TSPAN14: variants seen among roughly 807,000 people sequenced by gnomAD.
TSPAN14 encodes tetraspanin 14.
In TSPAN14, 16 loss-of-function variants were observed where a neutral mutation model predicts 36.6. That is an observed-to-expected ratio of 0.44 (90% CI 0.30 to 0.66). The LOEUF is 0.66. Among genes scored for constraint, TSPAN14 ranks in the 30% least tolerant of loss-of-function variants. The pLI, the probability that TSPAN14 is intolerant of heterozygous loss-of-function variation, is 0.12. For synonymous variants in TSPAN14, 139 were observed against 143.8 expected (o/e 0.97, Z 0.24); for missense variants, 231 against 355.1 (o/e 0.65, Z 2.81).
chr10:80,522,152 C>T (rs1190942581), exon 9 of TSPAN14: 1 of 152,192 alleles, frequency 6.6e-6, no homozygotes, highest in Non-Finnish European at 1.5e-5. Flanking sequence ...TCTTTCTTCA[C>T]TTAGTTTTCT....
At chr10:80,519,019 A>G (rs1262693572) in exon 9 of TSPAN14, 1 of 152,734 alleles carries the variant, frequency 6.5e-6, no homozygotes, top group Non-Finnish European at 1.5e-5. Flanking sequence ...GTGCTACTGA[A>G]ATTGTCACCC....
chr10:80,492,644 G>T (rs571030057), intron 2 of TSPAN14, among the ~76,000 whole-genome samples: 3 of 152,042 alleles, frequency 2.0e-5, no homozygotes, highest in Non-Finnish European at 4.4e-5. Flanking sequence ...GTGAAACTCC[G>T]TCTCTACTAA....
At chr10:80,482,082 G>A (rs117537719) in intron 1 of TSPAN14, among the ~76,000 whole-genome samples, 4,415 of 152,200 alleles carry the variant, frequency 0.029, 110 homozygotes, top group South Asian at 0.14. Flanking sequence ...GAGATATTTG[G>A]GTGTAAACAT....
At chr10:80,460,512 A>C (rs1845916160) in intron 1 of TSPAN14, among the ~76,000 whole-genome samples, 1 of 152,330 alleles carries the variant, frequency 6.6e-6, no homozygotes, top group Non-Finnish European at 1.5e-5. Flanking sequence ...CGTGGTTGGC[A>C]GTGTCCTGTC....
In TSPAN14 at chr10:80,516,983, A is replaced by G. The variant is rs959886333; in HGVS notation, c.741+660A>G. On this transcript the variant is annotated intron_variant, in intron 8 of 8. Transcript: ENST00000429989. ...GGGCTGGTTGGTGACTGCTAGGAGA[A>G]GAACTGGCAGAGAAAGTCAAGAATT... is the stretch of plus-strand genomic sequence containing the variant. Among the ~76,000 whole-genome samples the G allele has an allele frequency of 3.3e-5, 5 of 152,242 alleles. No homozygotes were observed. In the East Asian group the frequency reaches 9.6e-4, roughly 29 times the overall value.
At chr10:80,495,986 T>C (rs756043278) in intron 2 of TSPAN14, among the ~76,000 whole-genome samples, 5 of 152,170 alleles carry the variant, frequency 3.3e-5, no homozygotes, top group African/African-American at 4.8e-5. Flanking sequence ...TAAATTAAAC[T>C]CTTTGGTATC....
intron 1 of TSPAN14, among the ~76,000 whole-genome samples, chr10:80,476,636 C>T (rs139461722): frequency 6.6e-6 from 1 of 151,776 alleles, no homozygotes; most frequent in Non-Finnish European, 1.5e-5. Flanking sequence ...AAGATGGTCT[C>T]GATATCCTGA....
chr10:80,465,239 A>C (rs74859587), intron 1 of TSPAN14, among the ~76,000 whole-genome samples: 72 of 152,002 alleles, frequency 4.7e-4, no homozygotes, highest in South Asian at 1.5e-3. Flanking sequence ...CTGGGTTGCT[A>C]TTAGTCTCCC....
chr10:80,471,985 G>A (rs1846578814), intron 1 of TSPAN14, among the ~76,000 whole-genome samples: 1 of 152,124 alleles, frequency 6.6e-6, no homozygotes, highest in Non-Finnish European at 1.5e-5. Flanking sequence ...GACCAGCCTG[G>A]GCAACATAGG....
exon 9 of TSPAN14, chr10:80,520,218 A>G (rs1384618320): frequency 1.0e-5 from 2 of 197,292 alleles, no homozygotes; most frequent in Middle Eastern, 2.0e-3. Flanking sequence ...TGCAGGCCTG[A>G]CCCATCTATT....
At chr10:80,504,045 G>A (rs776096038) in intron 2 of TSPAN14, among the ~76,000 whole-genome samples, 1 of 152,158 alleles carries the variant, frequency 6.6e-6, no homozygotes, top group Non-Finnish European at 1.5e-5. Context: ...GGTTGGGGGT[G>A]GTGCTCCTCT....
chr10:80,506,472 G>T (rs1028913164), intron 3 of TSPAN14, among the ~76,000 whole-genome samples: 4 of 152,214 alleles, frequency 2.6e-5, no homozygotes, highest in African/African-American at 9.6e-5. Flanking sequence ...AAGGGGGGCT[G>T]TGGTCTCTCC....
At chr10:80,520,407 G>A (rs990967297) in exon 9 of TSPAN14, 10 of 406,740 alleles carry the variant, frequency 2.5e-5, no homozygotes, top group African/African-American at 8.3e-5. Flanking sequence ...GCCCAGCATC[G>A]GCTGTCCGCA....
intron 2 of TSPAN14, among the ~76,000 whole-genome samples, chr10:80,489,863 A>G (rs562713305): frequency 6.6e-6 from 1 of 152,276 alleles, no homozygotes; most frequent in East Asian, 1.9e-4. Flanking sequence ...TTGAGTACTA[A>G]TGAAGAGGCA....
chr10:80,489,443 A>AC (rs1847805070), intron 2 of TSPAN14, 129 bp downstream of exon 2: 7 of 700,626 alleles, frequency 1.0e-5, no homozygotes, highest in Non-Finnish European at 1.5e-5. Context: ...AGGGTCAGTG[A>AC]CCCCTACCCT....
exon 9 of TSPAN14, chr10:80,518,427 C>T (rs895840266): frequency 5.5e-6 from 1 of 180,194 alleles, no homozygotes; most frequent in Admixed American, 5.4e-5. Context: ...GCATCTCTCT[C>T]CATCAAGCAA....
At chr10:80,457,925 T>G (rs1202219961) in intron 1 of TSPAN14, among the ~76,000 whole-genome samples, 1 of 152,200 alleles carries the variant, frequency 6.6e-6, no homozygotes, top group African/African-American at 2.4e-5. Context: ...TAGTGATTAG[T>G]GGGAACACCC....
chr10:80,516,473 G>A, intron 8 of TSPAN14, 150 bp downstream of exon 8: 1 of 1,177,704 alleles, frequency 8.5e-7, no homozygotes, highest in Non-Finnish European at 1.2e-6. Flanking sequence ...CCAAGGCTGA[G>A]AGAGTGTATG....
chr10:80,507,906 A>G (rs188870400), intron 4 of TSPAN14, among the ~76,000 whole-genome samples: 365 of 152,120 alleles, frequency 2.4e-3, no homozygotes, highest in Middle Eastern at 6.8e-3. Context: ...ACACATTATC[A>G]TATTTTGCAG....
Sources: gnomAD v4.1 joint callset for allele counts (sites outside exome capture counted in the v4.1 genomes callset) on GRCh38, gnomAD v4.1.1 for gene constraint, MANE v1.5 for transcripts, NCBI Gene and HGNC (gene_info 2026-07-23, HGNC 2026-07-21) for gene names.